The following SATB2 variants were observed in gnomAD, a reference collection of about 807,000 sequenced individuals.
SATB2 encodes SATB homeobox 2.
A neutral mutation model predicts 73.4 loss-of-function variants in SATB2; 1 was observed. The ratio of observed to expected loss-of-function variants is 0.01; its 90% CI spans 0.00 to 0.06. SATB2 has a LOEUF of 0.06. Among genes scored for constraint, SATB2 ranks in the 10% least tolerant of loss-of-function variants. SATB2 has a pLI of 1.00. For synonymous variants in SATB2, 397 were observed against 367.0 expected (o/e 1.08, Z -0.93); for missense variants, 459 against 945.8 (o/e 0.49, Z 6.75).
intron 9 of SATB2, among the ~76,000 whole-genome samples, chr2:199,321,546 A>G (rs1447398427): frequency 1.3e-5 from 2 of 151,546 alleles, no homozygotes; most frequent in African/African-American, 4.8e-5. Context: ...ATATATGTGT[A>G]TATATATACA....
At chr2:199,305,527 A>C (rs1379815957) in intron 10 of SATB2, among the ~76,000 whole-genome samples, 1 of 152,142 alleles carries the variant, frequency 6.6e-6, no homozygotes. Context: ...AAAATGTCTA[A>C]ACCTTTTGTG....
intron 3 of SATB2, among the ~76,000 whole-genome samples, chr2:199,423,518 G>A (rs1195903621): frequency 6.6e-6 from 1 of 151,884 alleles, no homozygotes; most frequent in Non-Finnish European, 1.5e-5. Flanking sequence ...TATATCAGAA[G>A]TGCATGGAAA....
chr2:199,431,558 G>A, intron 3 of SATB2, among the ~76,000 whole-genome samples: 1 of 152,168 alleles, frequency 6.6e-6, no homozygotes, highest in East Asian at 1.9e-4. Flanking sequence ...AAACTTTGAG[G>A]ACGCAAATAA....
chr2:199,308,217 G>A lies in SATB2; in HGVS notation c.1740+543C>T, dbSNP rs932417783. Among the ~76,000 whole-genome samples, 1 of 152,154 alleles carries A rather than the reference G, an allele frequency of 6.6e-6. No individual in the cohort carries two copies. The highest frequency in any genetic ancestry group is 1.5e-5 in the Non-Finnish European group (1 of 68,028). On this transcript the variant is annotated intron_variant, in intron 10 of 10. Coordinates refer to ENST00000417098, the MANE Select transcript of SATB2 (RefSeq NM_001172509.2). The surrounding 1 kb of genome is among the most constrained non-coding windows in gnomAD (Gnocchi z 4.6). ...TCCAAAGGAAGGCAGATTTCTAAAT[G>A]AGATGTAACCAAAGACAGCAAAAAC... is the stretch of plus-strand genomic sequence containing the variant.
At chr2:199,381,331 G>A (rs1172002499) in intron 4 of SATB2, among the ~76,000 whole-genome samples, 2 of 152,198 alleles carry the variant, frequency 1.3e-5, no homozygotes, top group South Asian at 4.1e-4. Context: ...GAAAACAGCA[G>A]AGGTGTTTAT....
At chr2:199,342,680 A>G (rs1688540711) in intron 7 of SATB2, among the ~76,000 whole-genome samples, 1 of 152,186 alleles carries the variant, frequency 6.6e-6, no homozygotes, top group South Asian at 2.1e-4. Context: ...TCTGTTAGCA[A>G]ACCAAAAGAG....
chr2:199,277,578 T>G (rs1290054330), intron 10 of SATB2, among the ~76,000 whole-genome samples: 2 of 152,182 alleles, frequency 1.3e-5, no homozygotes, highest in Non-Finnish European at 2.9e-5. Flanking sequence ...AACAAATTCA[T>G]TTCTGTAAAG....
intron 3 of SATB2, among the ~76,000 whole-genome samples, chr2:199,388,685 G>T (rs1690031324): frequency 6.6e-6 from 1 of 152,034 alleles, no homozygotes; most frequent in Non-Finnish European, 1.5e-5. Context: ...AAAAAAAAAT[G>T]AGACATTAGC....
intron 9 of SATB2, among the ~76,000 whole-genome samples, chr2:199,319,454 A>G (rs1687825483): frequency 6.6e-6 from 1 of 152,066 alleles, no homozygotes; most frequent in Admixed American, 6.6e-5. Context: ...CCCTTTCATT[A>G]TCACCATCTG....
chr2:199,291,868 G>A (rs1417628515), intron 10 of SATB2, among the ~76,000 whole-genome samples: 2 of 151,600 alleles, frequency 1.3e-5, no homozygotes, highest in Admixed American at 1.3e-4. Context: ...CCAAGATCAC[G>A]CCACTGCACT....
At chr2:199,312,569 G>A (rs982386665) in intron 9 of SATB2, among the ~76,000 whole-genome samples, 3 of 152,164 alleles carry the variant, frequency 2.0e-5, no homozygotes, top group African/African-American at 7.2e-5. Flanking sequence ...CACTGTTCAA[G>A]CTCCTGGGTG....
At chr2:199,352,573 T>C (rs1350191822) in intron 6 of SATB2, among the ~76,000 whole-genome samples, 1 of 152,178 alleles carries the variant, frequency 6.6e-6, no homozygotes, top group Non-Finnish European at 1.5e-5. Context: ...CATAGCAACA[T>C]ATTACATCCG....
At chr2:199,446,999 G>A (rs867414610) in intron 2 of SATB2, among the ~76,000 whole-genome samples, 2 of 152,148 alleles carry the variant, frequency 1.3e-5, no homozygotes, top group African/African-American at 2.4e-5. Context: ...TCTGATGGCC[G>A]ACATTATCTG....
At chr2:199,286,834 T>C (rs1692703136) in intron 10 of SATB2, among the ~76,000 whole-genome samples, 1 of 152,194 alleles carries the variant, frequency 6.6e-6, no homozygotes, top group South Asian at 2.1e-4. Flanking sequence ...CAGTTACCTC[T>C]AGGATTCTGA....
At chr2:199,445,648 A>G (rs1182216628) in intron 2 of SATB2, among the ~76,000 whole-genome samples, 2 of 152,218 alleles carry the variant, frequency 1.3e-5, no homozygotes, top group Non-Finnish European at 2.9e-5. Flanking sequence ...TTTGAGAAGG[A>G]AAAAAGTCAG....
At chr2:199,320,231 TCTA>T (rs1687848709) in intron 9 of SATB2, among the ~76,000 whole-genome samples, 1 of 152,118 alleles carries the variant, frequency 6.6e-6, no homozygotes, top group Admixed American at 6.6e-5. Context: ...CATTATGGCT[TCTA>T]CTAAGAACCC....
At chr2:199,378,000 C>T (rs936391099) in intron 5 of SATB2, among the ~76,000 whole-genome samples, 1 of 152,116 alleles carries the variant, frequency 6.6e-6, no homozygotes, top group African/African-American at 2.4e-5. Context: ...GTCAAGACAA[C>T]CCTCCGAACT....
At chr2:199,395,893 G>A (rs1449855601) in intron 3 of SATB2, 6 of 152,062 alleles carry the variant, frequency 3.9e-5, no homozygotes, top group Non-Finnish European at 5.9e-5. Flanking sequence ...GCAAACCCAC[G>A]TAAAAGACTT....
chr2:199,294,276 A>G (rs928550405), intron 10 of SATB2, among the ~76,000 whole-genome samples: 1 of 152,208 alleles, frequency 6.6e-6, no homozygotes, highest in Non-Finnish European at 1.5e-5. Flanking sequence ...AAAGTACAGC[A>G]TGCCACCTCT....
Sources: allele counts gnomAD v4.1 joint callset (sites outside exome capture counted in the v4.1 genomes callset), GRCh38; gene constraint gnomAD v4.1.1; non-coding constraint Gnocchi (gnomAD v3.1); transcripts MANE v1.5; gene names NCBI Gene and HGNC (gene_info 2026-07-23, HGNC 2026-07-21).